The following CADPS2 variants were observed in gnomAD, a reference collection of about 807,000 sequenced individuals.
The protein encoded by CADPS2 is calcium-dependent secretion activator 2.
In CADPS2, 93 loss-of-function variants were observed where a neutral mutation model predicts 172.5. The ratio of observed to expected loss-of-function variants is 0.54; its 90% CI spans 0.46 to 0.64. The LOEUF is 0.64. Ranked by LOEUF, CADPS2 falls within the 30% of genes least tolerant of loss-of-function variation. CADPS2 has a pLI of 0.00. For synonymous variants in CADPS2, 546 were observed against 555.2 expected (o/e 0.98, Z 0.23); for missense variants, 1,420 against 1,565.9 (o/e 0.91, Z 1.57).
chr7:122,417,165 A>G (rs2048022741), intron 17 of CADPS2, among the ~76,000 whole-genome samples: 1 of 152,084 alleles, frequency 6.6e-6, no homozygotes. Flanking sequence ...AGACACTTTC[A>G]TTTGCTCTGT....
At chr7:122,532,655 A>G (rs1254888763) in intron 8 of CADPS2, among the ~76,000 whole-genome samples, 1 of 151,300 alleles carries the variant, frequency 6.6e-6, no homozygotes, top group African/African-American at 2.4e-5. Flanking sequence ...GGTATCCAGT[A>G]TCCACACTTT....
intron 9 of CADPS2, among the ~76,000 whole-genome samples, chr7:122,503,875 G>T (rs76415867): frequency 0.012 from 1,841 of 152,268 alleles, 40 homozygotes; most frequent in African/African-American, 0.042. Context: ...CAATTAGGAG[G>T]TACTGAAAAT....
chr7:122,783,108 C>T (rs994982357), intron 1 of CADPS2, among the ~76,000 whole-genome samples: 2 of 148,710 alleles, frequency 1.3e-5, no homozygotes, highest in Admixed American at 6.8e-5. Context: ...CCCAGCTACT[C>T]GGGAGGCTGA....
chr7:122,736,806 A>C, intron 2 of CADPS2, 149 bp downstream of exon 2: 3 of 569,888 alleles, frequency 5.3e-6, no homozygotes, highest in Non-Finnish European at 9.5e-6. Context: ...TAAATTGCTA[A>C]ATAGAACTGA....
At chr7:122,445,651 C>G (rs984742290) in intron 15 of CADPS2, among the ~76,000 whole-genome samples, 1 of 152,086 alleles carries the variant, frequency 6.6e-6, no homozygotes, top group Non-Finnish European at 1.5e-5. Flanking sequence ...GATCCCATCT[C>G]TGTAAAAGAA....
chr7:122,531,497 A>C (rs185768819), intron 8 of CADPS2, among the ~76,000 whole-genome samples: 2 of 152,314 alleles, frequency 1.3e-5, no homozygotes, highest in East Asian at 3.9e-4. Flanking sequence ...ATGGGGCAAC[A>C]AAATTACCTA....
intron 27 of CADPS2, among the ~76,000 whole-genome samples, chr7:122,348,091 C>G (rs2037966534): frequency 6.6e-6 from 1 of 152,142 alleles, no homozygotes. Context: ...GGACGCTTGT[C>G]TTTACTACTA....
intron 1 of CADPS2, among the ~76,000 whole-genome samples, chr7:122,808,191 GA>G (rs968176667): frequency 3.0e-4 from 46 of 151,932 alleles, no homozygotes; most frequent in African/African-American, 1.1e-3. Context: ...GTCTTCTGTA[GA>G]AAAAAAAGCT....
rs1195894129 is a variant in CADPS2, at chr7:122,438,438, G to A, written c.2379C>T (p.Pro793=). ...CTTTCTTCACCTCTTCTGCTGGTATGGGAGTGGCAATATCTTTCATTAAAA... is the reference window on the plus strand; with the variant it reads ...CTTTCTTCACCTCTTCTGCTGGTATAGGAGTGGCAATATCTTTCATTAAAA... ...ERVLMKDIAT[P]IPAEEVKKVV... The change falls in exon 17 of 30, where the codon CCC becomes CCT. Residue 793 remains proline (P), a synonymous_variant. Transcript: ENST00000449022. 4 of 1,612,828 alleles carry A rather than the reference G, an allele frequency of 2.5e-6. No homozygotes were observed. Among genetic ancestry groups the A allele is most frequent in the Non-Finnish European group, 3.4e-6 (4 of 1,179,324 alleles).
chr7:122,778,133 A>G (rs1393528829), intron 1 of CADPS2, among the ~76,000 whole-genome samples: 1 of 152,156 alleles, frequency 6.6e-6, no homozygotes, highest in Admixed American at 6.5e-5. Flanking sequence ...TATGGACAAT[A>G]AAGTCCAGGC....
At chr7:122,690,798 T>C (rs1023635220) in intron 2 of CADPS2, among the ~76,000 whole-genome samples, 5 of 152,194 alleles carry the variant, frequency 3.3e-5, no homozygotes, top group Non-Finnish European at 7.4e-5. Flanking sequence ...ACCATCCACA[T>C]TGCTCTGAGT....
chr7:122,807,835 G>A (rs181179747), intron 1 of CADPS2, among the ~76,000 whole-genome samples: 1 of 152,216 alleles, frequency 6.6e-6, no homozygotes, highest in African/African-American at 2.4e-5. Flanking sequence ...ATACCAGTAA[G>A]ACCAGATTAG....
intron 14 of CADPS2, 131 bp downstream of exon 14, chr7:122,471,241 GTTT>G (rs908853602): frequency 8.0e-5 from 39 of 489,372 alleles, no homozygotes; most frequent in South Asian, 1.3e-4. Context: ...TTTCTCTGTC[GTTT>G]TTTTTTTTTT....
rs2052424715 is a variant in CADPS2, at chr7:122,447,543, A to ATTTTTTTCTTTTTTT, written c.2288+3830_2288+3831insAAAAAAAGAAAAAAA. On this transcript the variant is annotated intron_variant, in intron 15 of 29. Coordinates refer to ENST00000449022, the MANE Select transcript of CADPS2 (RefSeq NM_017954.11). Reference sequence around the variant, plus strand: ...CCATGTTGATTTCTTGTTTCGGGGAATTTTTTTTTTTTTTTTTTTTTTTTT... The same window carrying ATTTTTTTCTTTTTTT: ...CCATGTTGATTTCTTGTTTCGGGGAATTTTTTTCTTTTTTTTTTTTTTTTTTTTTTTTTTTTTTTT... 2.2e-5 allele frequency among the ~76,000 whole-genome samples: 2 copies of ATTTTTTTCTTTTTTT among 89,768 alleles called. 1 individual carries two copies. Among genetic ancestry groups the ATTTTTTTCTTTTTTT allele is most frequent in the Non-Finnish European group, 4.5e-5 (2 of 44,646 alleles). 58.9% of individuals were successfully genotyped at this position (89,768 alleles called of 152,430 possible).
At chr7:122,731,696 C>G (rs1338511572) in intron 2 of CADPS2, among the ~76,000 whole-genome samples, 1 of 150,708 alleles carries the variant, frequency 6.6e-6, no homozygotes, top group Admixed American at 6.6e-5. Flanking sequence ...CTTCAATTAA[C>G]AAAAAAGATG....
chr7:122,698,188 T>C (rs2085433182), intron 2 of CADPS2: 3 of 1,613,900 alleles, frequency 1.9e-6, no homozygotes, highest in Non-Finnish European at 2.5e-6. Flanking sequence ...TTCATCCCCC[T>C]CTTTTACTAC....
chr7:122,330,519 ACC>A (rs958334181), intron 28 of CADPS2, among the ~76,000 whole-genome samples: 1 of 152,118 alleles, frequency 6.6e-6, no homozygotes, highest in African/African-American at 2.4e-5. Context: ...TGTTCAAGGC[ACC>A]CCACTGAAAC....
At chr7:122,875,820 A>C (rs1288519263) in intron 1 of CADPS2, among the ~76,000 whole-genome samples, 1 of 152,210 alleles carries the variant, frequency 6.6e-6, no homozygotes, top group Non-Finnish European at 1.5e-5. Flanking sequence ...ATATATTCTC[A>C]TTATCTTATT....
intron 4 of CADPS2, 130 bp from the exon 5 acceptor site, chr7:122,621,847 G>GT (rs2075638720): frequency 1.6e-6 from 1 of 610,060 alleles, no homozygotes; most frequent in East Asian, 2.8e-5. Context: ...TCCTACTTGA[G>GT]TCACTAGGCT....
Sources: gnomAD v4.1 joint callset for allele counts (sites outside exome capture counted in the v4.1 genomes callset) on GRCh38, gnomAD v4.1.1 for gene constraint, MANE v1.5 for transcripts, NCBI Gene and HGNC (gene_info 2026-07-23, HGNC 2026-07-21) for gene names.